TMEM242: variants seen among roughly 807,000 people sequenced by gnomAD.
TMEM242 encodes transmembrane protein 242.
In TMEM242, 10 loss-of-function variants were observed where a neutral mutation model predicts 18.2. The observed-to-expected ratio is 0.55, with a 90% confidence interval of 0.34 to 0.93. The LOEUF (loss-of-function observed/expected upper bound fraction) is 0.93, where lower values mean the gene tolerates loss of function less well. TMEM242 is among the 40% of genes least tolerant of loss of function. The probability of loss-of-function intolerance (pLI) is 0.02; values close to 1 mark genes in which losing one functional copy is unlikely to be tolerated. For synonymous variants in TMEM242, 57 were observed against 69.9 expected (o/e 0.81, Z 0.92); for missense variants, 186 against 175.5 (o/e 1.06, Z -0.34).
At chr6:157,293,295 TTGC>T (rs1554246964) in intron 3 of TMEM242, among the ~76,000 whole-genome samples, 1 of 152,146 alleles carries the variant, frequency 6.6e-6, no homozygotes, top group African/African-American at 2.4e-5. Flanking sequence ...GGTGGGTAGA[TTGC>T]TTGAGCCCAG....
At chr6:157,299,177 A>AC in intron 3 of TMEM242, 1 of 560,422 alleles carries the variant, frequency 1.8e-6, no homozygotes, top group Non-Finnish European at 3.4e-6. Flanking sequence ...TTCCACAGAG[A>AC]CCCCTAATGA....
intron 2 of TMEM242, among the ~76,000 whole-genome samples, chr6:157,320,073 T>C (rs1424460897): frequency 6.6e-6 from 1 of 152,236 alleles, no homozygotes; most frequent in Non-Finnish European, 1.5e-5. Context: ...ATTCTTAGAC[T>C]GGTGCTTGCT....
chr6:157,320,162 G>A (rs1025210057), intron 2 of TMEM242, among the ~76,000 whole-genome samples: 2 of 152,092 alleles, frequency 1.3e-5, no homozygotes, highest in African/African-American at 2.4e-5. Context: ...ACAGAGTCTG[G>A]GTAAGTGGTC....
chr6:157,312,133 C>T (rs1282826311), intron 3 of TMEM242, among the ~76,000 whole-genome samples: 5 of 114,318 alleles, frequency 4.4e-5, no homozygotes, highest in African/African-American at 7.8e-5. Flanking sequence ...TCCCAGTGTG[C>T]GCTCACCTGG....
intron 3 of TMEM242, among the ~76,000 whole-genome samples, chr6:157,310,723 T>C (rs1583562945): frequency 4.1e-4 from 31 of 75,864 alleles, no homozygotes; most frequent in African/African-American, 8.4e-4. Context: ...TGCACTCAGC[T>C]AGCCTCATCA....
At chr6:157,313,034 G>A (rs78038716) in intron 3 of TMEM242, among the ~76,000 whole-genome samples, 780 of 136,520 alleles carry the variant, frequency 5.7e-3, no homozygotes, top group African/African-American at 6.4e-3. Context: ...TCATCATAGT[G>A]TCCCAGTGTG....
At chr6:157,304,205 C>T (rs1366927565) in intron 3 of TMEM242, among the ~76,000 whole-genome samples, 3 of 152,074 alleles carry the variant, frequency 2.0e-5, no homozygotes, top group African/African-American at 7.2e-5. Context: ...GTGACTCGCA[C>T]CTGTGATCCA....
intron 3 of TMEM242, among the ~76,000 whole-genome samples, chr6:157,312,211 G>A (rs1778164705): frequency 6.8e-6 from 1 of 147,582 alleles, no homozygotes; most frequent in Non-Finnish European, 1.5e-5. Context: ...CACTGAGCTA[G>A]CGTCATCATA....
intron 3 of TMEM242, among the ~76,000 whole-genome samples, chr6:157,314,153 T>C (rs1347695705): frequency 5.1e-3 from 10 of 1,948 alleles, no homozygotes; most frequent in East Asian, 0.019. Flanking sequence ...CATCATAGTG[T>C]CCCTGTGTGC....
chr6:157,313,848 TGCCCC>T (rs1778309752), intron 3 of TMEM242, among the ~76,000 whole-genome samples: 1 of 142,060 alleles, frequency 7.0e-6, no homozygotes, highest in Non-Finnish European at 1.6e-5. Flanking sequence ...CTCATCACAG[TGCCCC>T]AGTGTGCACT....
At position 157,299,968 on chromosome 6, in the gene TMEM242, G is replaced by T. The variant is rs868987548; in HGVS notation, c.328-6969C>A. On this transcript the variant is annotated intron_variant, in intron 3 of 3. Coordinates refer to ENST00000400788, the MANE Select transcript of TMEM242 (RefSeq NM_018452.6). ...CCTTACTGTGATGAGCGGGCTCCTC[G>T]GAAGTGAAGCGCTCAACAAGCTCAC... The T allele has an allele frequency of 3.9e-6, 6 of 1,521,184 alleles. No homozygotes were observed. In the South Asian group the frequency reaches 5.6e-5, roughly 14 times the overall value. The allele number at this position is 1,521,184 out of a possible 1,614,324, so 94.2% of individuals were successfully genotyped here.
chr6:157,293,122 C>A, intron 3 of TMEM242, 123 bp from the exon 4 acceptor site: 2 of 640,980 alleles, frequency 3.1e-6, no homozygotes, highest in Non-Finnish European at 5.6e-6. Context: ...TAAGGAACAT[C>A]AATAAAAGAT....
intron 3 of TMEM242, among the ~76,000 whole-genome samples, chr6:157,311,631 T>TA (rs1778108234): frequency 6.6e-5 from 1 of 15,048 alleles, no homozygotes; most frequent in Non-Finnish European, 1.1e-4. Flanking sequence ...TGCGCTCACC[T>TA]GGCCTCATCA....
chr6:157,300,727 G>A (rs1452953889), intron 3 of TMEM242, among the ~76,000 whole-genome samples: 1 of 152,204 alleles, frequency 6.6e-6, no homozygotes, highest in African/African-American at 2.4e-5. Context: ...CCCGCTGGGA[G>A]TCATCCCATC....
intron 3 of TMEM242, among the ~76,000 whole-genome samples, chr6:157,295,522 C>T (rs1224406366): frequency 8.5e-5 from 13 of 152,166 alleles, no homozygotes; most frequent in African/African-American, 2.9e-4. Flanking sequence ...CACCAGTCTC[C>T]CTTCCAGTGG....
chr6:157,311,290 C>T (rs1554248716), intron 3 of TMEM242, among the ~76,000 whole-genome samples: 2 of 130,884 alleles, frequency 1.5e-5, no homozygotes, highest in East Asian at 4.7e-4. Context: ...GTGCACACAC[C>T]GAGCCTCATT....
chr6:157,315,364 C>G (rs1554250217), intron 3 of TMEM242, among the ~76,000 whole-genome samples: 1 of 152,196 alleles, frequency 6.6e-6, no homozygotes, highest in African/African-American at 2.4e-5. Flanking sequence ...AATGAACAAA[C>G]CAGCAAATTA....
chr6:157,307,581 A>C (rs1777932352), intron 3 of TMEM242, among the ~76,000 whole-genome samples: 4 of 152,170 alleles, frequency 2.6e-5, no homozygotes, highest in African/African-American at 4.8e-5. Flanking sequence ...GCTTGTCCAC[A>C]TATGCATCAA....
intron 3 of TMEM242, among the ~76,000 whole-genome samples, chr6:157,303,054 A>G (rs1777851914): frequency 6.6e-6 from 1 of 152,234 alleles, no homozygotes; most frequent in South Asian, 2.1e-4. Flanking sequence ...CTAAAAGCCT[A>G]TGTCACCACT....
Sources: gnomAD v4.1 joint callset for allele counts (sites outside exome capture counted in the v4.1 genomes callset) on GRCh38, gnomAD v4.1.1 for gene constraint, MANE v1.5 for transcripts, NCBI Gene and HGNC (gene_info 2026-07-23, HGNC 2026-07-21) for gene names.